Variants in TPP1 observed in about 807,000 individuals in gnomAD.
TPP1 encodes the protein tripeptidyl peptidase 1.
TPP1 carries 43 observed loss-of-function variants against 67.6 expected under a neutral mutation model. That is an observed-to-expected ratio of 0.64 (90% CI 0.50 to 0.82). The LOEUF (loss-of-function observed/expected upper bound fraction) is 0.82, where lower values mean the gene tolerates loss of function less well. Ranked by LOEUF, TPP1 falls within the 40% of genes least tolerant of loss-of-function variation. The pLI is 0.00. For synonymous variants in TPP1, 272 were observed against 281.5 expected (o/e 0.97, Z 0.34); for missense variants, 671 against 710.9 (o/e 0.94, Z 0.64).
Position 6,614,922 on chromosome 11 carries a change from G to A in TPP1, c.1495C>T (p.Pro499Ser), listed in dbSNP as rs201126448. Residue 499 changes from proline to serine, a missense_variant, in exon 12 of 13, where the codon CCT becomes TCT. Transcript: ENST00000299427. ...NEHRILSGRPPLGFLNPRLYQ... is the reference protein window; with the variant it reads ...NEHRILSGRPSLGFLNPRLYQ... ...AGCCTTGGGTTGAGAAAGCCAAGAG[G>A]GGGGCGGCCACTAAGGATCCTGTGC... 6.2e-7 allele frequency: 1 copy of A among 1,614,158 alleles called. No homozygotes were observed. The highest frequency in any genetic ancestry group is 8.5e-7 in the Non-Finnish European group (1 of 1,180,038).
Position 6,616,067 on chromosome 11 carries a change from A to T in TPP1, c.1083T>A (p.Ser361Arg). 2 of 1,614,172 alleles carry T rather than the reference A, an allele frequency of 1.2e-6. No homozygotes were observed. The highest frequency in any genetic ancestry group is 8.5e-7 in the Non-Finnish European group (1 of 1,180,014). The stretch of plus-strand genomic sequence containing the variant: ...CAGAGACAGACCAACACCCGGCCCC[A>T]CTGTCACCTGAGAGAGACCAAGTGT... ...GLTLLFASGDSGAGCWSVSGR... is the reference protein window; with the variant it reads ...GLTLLFASGDRGAGCWSVSGR... The change falls in exon 9 of 13, where the codon AGT becomes AGA. Residue 361 changes from serine to arginine, a missense_variant. Ser to Arg is a moderately radical substitution (Grantham distance 110, BLOSUM62 -1). Coordinates refer to ENST00000299427, the MANE Select transcript of TPP1 (RefSeq NM_000391.4).
In TPP1 at chr11:6,616,427, A is replaced by C. The variant is rs1244016998; in HGVS notation, c.963T>G (p.His321Gln). 4 of 1,613,568 alleles carry C rather than the reference A, an allele frequency of 2.5e-6. No homozygotes were observed. The highest frequency in any genetic ancestry group is 3.4e-6 in the Non-Finnish European group (4 of 1,179,982). ...CCTCATCATCTCCATAGCTCACAGT[A>C]TGCACATGTGGCAGGGCTGACTCAT... ...LSNESALPHV[H>Q]TVSYGDDEDS... The change falls in exon 8 of 13, where the codon CAT becomes CAG. Residue 321 changes from histidine to glutamine, a missense_variant. Physicochemically the swap from His to Gln is conservative, Grantham distance 24. Coordinates refer to ENST00000299427, the MANE Select transcript of TPP1 (RefSeq NM_000391.4).
At chr11:6,619,331 T>C (rs2134599028) in intron 1 of TPP1, 53 bp downstream of exon 1, 1 of 1,614,136 alleles carries the variant, frequency 6.2e-7, no homozygotes, top group East Asian at 2.2e-5. Context: ...ACCCTCCCAA[T>C]GTGTGCTCCC....
At chr11:6,615,957 C>G (rs769863115) in intron 9 of TPP1, 48 bp downstream of exon 9, 6 of 1,596,512 alleles carry the variant, frequency 3.8e-6, no homozygotes. Flanking sequence ...CATGAGATCA[C>G]AAGTGAAAGG....
Position 6,615,480 on chromosome 11 carries a change from C to T in TPP1, c.1228G>A (p.Gly410Ser), listed in dbSNP as rs1239937973. The stretch of plus-strand genomic sequence containing the variant: ...CGTGGGAACACATTGCTGAAGCCAC[C>T]ACCACTGATATAGTCAACAATTTCA... ...TNEIVDYISG[G>S]GFSNVFPRPS... Residue 410 changes from glycine to serine, a missense_variant, in exon 10 of 13, where the codon GGT becomes AGT. Gly to Ser is a moderately conservative substitution (Grantham distance 56, BLOSUM62 0). Transcript: ENST00000299427. 1 of 1,614,056 alleles carries T rather than the reference C, an allele frequency of 6.2e-7. No individual in the cohort carries two copies. The highest frequency in any genetic ancestry group is 2.2e-5 in the East Asian group (1 of 44,894).
intron 3 of TPP1, chr11:6,618,096 G>T: frequency 4.9e-6 from 2 of 404,374 alleles, no homozygotes; most frequent in Non-Finnish European, 4.6e-6. Context: ...GCTTATGTCC[G>T]GTAAATGTTT....
At position 6,616,964 on chromosome 11, in the gene TPP1, G is replaced by C. The variant is rs747050499; in HGVS notation, c.687+11C>G. The C allele has an allele frequency of 3.7e-6, 6 of 1,614,146 alleles. No individual in the cohort carries two copies. Among genetic ancestry groups the C allele is most frequent in the Non-Finnish European group, 5.1e-6 (6 of 1,179,998 alleles). Reference sequence around the variant, plus strand: ...GGCTATGAGGACCCTGGGGCTCTTTGCTTGGCTCACCTGGGCACAGGCTTG... The same window carrying C: ...GGCTATGAGGACCCTGGGGCTCTTTCCTTGGCTCACCTGGGCACAGGCTTG... On this transcript the variant is annotated intron_variant, in intron 6 of 12. Coordinates refer to ENST00000299427, the MANE Select transcript of TPP1 (RefSeq NM_000391.4).
At chr11:6,619,350 G>C (rs766343177) in intron 1 of TPP1, 34 bp downstream of exon 1, 1 of 1,614,184 alleles carries the variant, frequency 6.2e-7, no homozygotes, top group Non-Finnish European at 8.5e-7. Context: ...CCTCCAACGT[G>C]ATCCCTTTCT....
Position 6,616,703 on chromosome 11 carries a change from T to C in TPP1, c.844A>G (p.Ser282Gly). 6.2e-7 allele frequency: 1 copy of C among 1,614,020 alleles called. No homozygotes were observed. The highest frequency in any genetic ancestry group is 8.5e-7 in the Non-Finnish European group (1 of 1,179,994). The change falls in exon 7 of 13, where the codon AGT becomes GGT. Residue 282 changes from serine to glycine, a missense_variant. By Grantham distance (56) the Ser-to-Gly change is moderately conservative. Transcript: ENST00000299427. ...CAGGTGGAGATGTTGGCACCAGCACTCATCAGGTACTGCACATCTAGACTG... is the reference window on the plus strand; with the variant it reads ...CAGGTGGAGATGTTGGCACCAGCACCCATCAGGTACTGCACATCTAGACTG... ...EASLDVQYLM[S>G]AGANISTWVY...
At position 6,614,260 on chromosome 11, in the gene TPP1, C is replaced by A. The variant is rs1005793274; in HGVS notation, c.*286G>T. ...GTCTGTATACAACCCTTTGGAAAAG[C>A]CTGATTGAAAAGAGAAAGATGAGAT... On this transcript the variant is annotated 3_prime_UTR_variant, in exon 13 of 13. Transcript: ENST00000299427. 3 of 498,542 alleles carry A rather than the reference C, an allele frequency of 6.0e-6. No individual in the cohort carries two copies. Among genetic ancestry groups the A allele is most frequent in the East Asian group, 3.7e-5 (1 of 27,014 alleles). The allele number at this position is 498,542 out of a possible 1,614,324, so 30.9% of individuals were successfully genotyped here.
Position 6,615,328 on chromosome 11 carries a change from T to C in TPP1, c.1268A>G (p.Glu423Gly). Residue 423 changes from glutamate to glycine, a missense_variant and splice_region_variant, in exon 11 of 13, where the codon GAG (glutamate) becomes GGG (glycine). Glu to Gly is a moderately conservative substitution (Grantham distance 98). Coordinates refer to ENST00000299427, the MANE Select transcript of TPP1 (RefSeq NM_000391.4). ...GCTCAGGAACTTCGTTACAGCTTCC[T>C]CCTGAAAGGCATTTTTGAGTGAGTA... ...SNVFPRPSYQ[E>G]EAVTKFLSSS... 6.2e-7 allele frequency: 1 copy of C among 1,614,186 alleles called. No homozygotes were observed. The highest frequency in any genetic ancestry group is 1.1e-5 in the South Asian group (1 of 91,090).
At chr11:6,618,590 CAG>C (rs1855619924) in intron 3 of TPP1, 184 bp downstream of exon 3, 8 of 761,326 alleles carry the variant, frequency 1.1e-5, no homozygotes, top group Admixed American at 7.0e-5. Flanking sequence ...TAGTAAGTAG[CAG>C]AGTCAGAATT....
chr11:6,618,768 A>G lies in TPP1; in HGVS notation c.229+8T>C, dbSNP rs1263525920. 5 of 1,613,430 alleles carry G rather than the reference A, an allele frequency of 3.1e-6. No individual in the cohort carries two copies. The Admixed American group carries it at 6.7e-5, about 22-fold the overall frequency. On this transcript the variant is annotated splice_region_variant and intron_variant, in intron 3 of 12. Coordinates refer to ENST00000299427, the MANE Select transcript of TPP1 (RefSeq NM_000391.4). ...ATCCCACATCCTGTCCTCAGTCCCAAAAGGCACCGTATTGAGGAGAGCTGG... is the reference window on the plus strand; with the variant it reads ...ATCCCACATCCTGTCCTCAGTCCCAGAAGGCACCGTATTGAGGAGAGCTGG...
chr11:6,615,021 A>G, intron 11 of TPP1, 30 bp from the exon 12 acceptor site: 1 of 1,614,146 alleles, frequency 6.2e-7, no homozygotes, highest in South Asian at 1.1e-5. Flanking sequence ...AGTAGAGGTC[A>G]GGGGTTCTGA....
chr11:6,619,228 G>A lies in TPP1; in HGVS notation c.57C>T (p.Cys19=), dbSNP rs758366251. ...GCTGGTCGGGCTCCGGGCTGTAACT[G>A]CATTTGCCAGAGAGGATGAGGGCAA... The part of the protein sequence containing the change: ...GLFALILSGK[C]SYSPEPDQRR... The change falls in exon 2 of 13, where the codon TGC becomes TGT. Residue 19 remains cysteine (C), a synonymous_variant. Transcript: ENST00000299427. The A allele has an allele frequency of 1.2e-6, 2 of 1,614,070 alleles. No individual in the cohort carries two copies. The highest frequency in any genetic ancestry group is 4.5e-5 in the East Asian group (2 of 44,892).
rs139343938 is a variant in TPP1, at chr11:6,615,268, T to C, written c.1328A>G (p.Asn443Ser). ...SPHLPPSSYF[N>S]ASGRAYPDVA... ...ATCTGGGTAGGCACGGCCACTGGCA[T>C]TGAAGTAACTGGATGGTGGCAGGTG... is the stretch of plus-strand genomic sequence containing the variant. The change falls in exon 11 of 13, where the codon AAT (asparagine) becomes AGT (serine). Residue 443 changes from asparagine (N) to serine (S), a missense_variant. Physicochemically the swap from Asn to Ser is conservative, Grantham distance 46. Coordinates refer to ENST00000299427, the MANE Select transcript of TPP1 (RefSeq NM_000391.4). 3.0e-5 allele frequency: 48 copies of C among 1,614,012 alleles called. No individual in the cohort carries two copies. Among genetic ancestry groups the C allele is most frequent in the Admixed American group, 2.3e-4 (14 of 59,986 alleles).
chr11:6,619,108 G>A, intron 2 of TPP1, 88 bp downstream of exon 2: 1 of 1,545,782 alleles, frequency 6.5e-7, no homozygotes, highest in Non-Finnish European at 8.9e-7. Context: ...ACTAGGAGCT[G>A]GCACGGGGGT....
In TPP1 at chr11:6,618,784, G is replaced by T; in HGVS notation, c.221C>A (p.Pro74His). Residue 74 changes from proline to histidine, a missense_variant, in exon 3 of 13, where the codon CCT (proline) becomes CAT (histidine). Physicochemically the swap from Pro to His is moderately conservative, Grantham distance 77. Coordinates refer to ENST00000299427, the MANE Select transcript of TPP1 (RefSeq NM_000391.4). ...TCAGTCCCAAAAGGCACCGTATTGA[G>T]GAGAGCTGGGATCCGACACAGCCTG... ...LVQAVSDPSSPQYGKYLTLEN... is the reference protein window; with the variant it reads ...LVQAVSDPSSHQYGKYLTLEN... 6.2e-7 allele frequency: 1 copy of T among 1,613,918 alleles called. No homozygotes were observed.
Position 6,617,165 on chromosome 11 carries a change from A to C in TPP1, c.509-12T>G. ...GTGCAGTCCCCCCACTGTAGGGAGA[A>C]GTCAGGCTTGAGGAGATCTTATAGA... On this transcript the variant is annotated splice_polypyrimidine_tract_variant and intron_variant, in intron 5 of 12. Coordinates refer to ENST00000299427, the MANE Select transcript of TPP1 (RefSeq NM_000391.4). 1 of 1,614,082 alleles carries C rather than the reference A, an allele frequency of 6.2e-7. No homozygotes were observed. Among genetic ancestry groups the C allele is most frequent in the Non-Finnish European group, 8.5e-7 (1 of 1,179,994 alleles).
Sources: allele counts gnomAD v4.1 joint callset, GRCh38; gene constraint gnomAD v4.1.1; transcripts MANE v1.5; gene names NCBI Gene and HGNC (gene_info 2026-07-23, HGNC 2026-07-21).